Variants in ZC3H3 observed in about 807,000 individuals in gnomAD.
ZC3H3 encodes the protein zinc finger CCCH domain-containing protein 3.
A neutral mutation model predicts 77.3 loss-of-function variants in ZC3H3; 36 were observed. The ratio of observed to expected loss-of-function variants is 0.47; its 90% CI spans 0.36 to 0.61. The LOEUF (loss-of-function observed/expected upper bound fraction) is 0.61. ZC3H3 is among the 20% of genes least tolerant of loss of function. The pLI is 0.00. For missense variants in ZC3H3, 1,331 were observed against 1,312.2 expected (o/e 1.01, Z -0.22); for synonymous variants, 626 against 555.2 (o/e 1.13, Z -1.79).
At chr8:143,448,205 C>T (rs983333212) in intron 9 of ZC3H3, among the ~76,000 whole-genome samples, 1 of 151,492 alleles carries the variant, frequency 6.6e-6, no homozygotes, top group East Asian at 1.9e-4. Context: ...TCTAGGGAGG[C>T]TGAGGCAGGA....
rs886231022 is a variant in ZC3H3 at position 143,533,956 on chromosome 8, A to G, written c.1561+2301T>C. ...CTCCCAGTGTGCTGGGATTACAGGCATGAGCCACCACGCCCAGCCTCACGT... is the reference window on the plus strand; with the variant it reads ...CTCCCAGTGTGCTGGGATTACAGGCGTGAGCCACCACGCCCAGCCTCACGT... On this transcript the variant is annotated intron_variant, in intron 3 of 11. Transcript: ENST00000262577. The surrounding 1 kb of genome is among the most constrained non-coding windows in gnomAD (Gnocchi z 4.0). Among the ~76,000 whole-genome samples, 6 of 151,018 alleles carry G rather than the reference A, an allele frequency of 4.0e-5. No individual in the cohort carries two copies. The highest frequency in any genetic ancestry group is 6.6e-5 in the Admixed American group (1 of 15,146).
chr8:143,446,041 G>A (rs1435196190), intron 9 of ZC3H3, among the ~76,000 whole-genome samples: 3 of 152,168 alleles, frequency 2.0e-5, no homozygotes, highest in Non-Finnish European at 4.4e-5. Flanking sequence ...CAGAAGCAGA[G>A]CCCGCATCCA....
At chr8:143,505,484 C>T (rs1334885866) in intron 4 of ZC3H3, among the ~76,000 whole-genome samples, 1 of 152,172 alleles carries the variant, frequency 6.6e-6, no homozygotes, top group African/African-American at 2.4e-5. Context: ...TGACCCTGGG[C>T]GAGGCAGGCC....
chr8:143,464,474 G>T (rs1820354531), intron 9 of ZC3H3, among the ~76,000 whole-genome samples: 2 of 152,176 alleles, frequency 1.3e-5, no homozygotes, highest in African/African-American at 4.8e-5. Flanking sequence ...CTGGGAAGTG[G>T]GTGTGAGGAC....
rs552499390 is a variant in ZC3H3 at position 143,469,387 on chromosome 8, G to A, written c.1904-728C>T. The stretch of plus-strand genomic sequence containing the variant: ...GGTGTGGGGGCAAAGCCCGCTTGGC[G>A]GAGGCATCTGCCCAGCTGCCCACTG... On this transcript the variant is annotated intron_variant, in intron 5 of 11. Transcript: ENST00000262577. 7.2e-5 allele frequency among the ~76,000 whole-genome samples: 11 copies of A among 152,324 alleles called. No individual in the cohort carries two copies. In the East Asian group the frequency reaches 7.7e-4, roughly 11 times the overall value.
At chr8:143,448,038 T>G (rs1819901162) in intron 9 of ZC3H3, among the ~76,000 whole-genome samples, 1 of 151,878 alleles carries the variant, frequency 6.6e-6, no homozygotes, top group South Asian at 2.1e-4. Context: ...TGAGGCAGAA[T>G]TGCTTAAACC....
intron 9 of ZC3H3, among the ~76,000 whole-genome samples, chr8:143,465,300 C>G (rs573988422): frequency 2.2e-3 from 324 of 150,370 alleles, no homozygotes; most frequent in African/African-American, 7.3e-3. Flanking sequence ...CCCGTCCACC[C>G]CCTGCCTTCC....
intron 1 of ZC3H3, 114 bp from the exon 2 acceptor site, chr8:143,539,434 C>A (rs1822936564): frequency 3.5e-6 from 4 of 1,144,192 alleles, no homozygotes; most frequent in East Asian, 2.6e-5. Context: ...CACTTCTGAG[C>A]CCCTGCCAGT....
chr8:143,495,642 G>A (rs149221547), intron 4 of ZC3H3, among the ~76,000 whole-genome samples: 5 of 152,262 alleles, frequency 3.3e-5, no homozygotes, highest in African/African-American at 1.2e-4. Flanking sequence ...GGAGTGCAGT[G>A]TCAGTCAGGG....
intron 3 of ZC3H3, among the ~76,000 whole-genome samples, chr8:143,527,975 T>C (rs968142912): frequency 1.3e-5 from 2 of 152,182 alleles, no homozygotes; most frequent in African/African-American, 2.4e-5. Flanking sequence ...CTCATAACCC[T>C]GCCTCCTGCA....
At chr8:143,515,794 A>G (rs1222772945) in intron 3 of ZC3H3, among the ~76,000 whole-genome samples, 1 of 152,162 alleles carries the variant, frequency 6.6e-6, no homozygotes, top group Non-Finnish European at 1.5e-5. Context: ...TGGGCCAAGG[A>G]GCCTTCGCAG....
chr8:143,536,146 C>A, intron 3 of ZC3H3, 111 bp downstream of exon 3: 1 of 1,338,062 alleles, frequency 7.5e-7, no homozygotes, highest in Admixed American at 2.4e-5. Flanking sequence ...CCCTCCCAGC[C>A]AGGGCCTCTA....
chr8:143,468,491 T>A lies in ZC3H3; in HGVS notation c.1996A>T (p.Arg666Trp). 6.2e-7 allele frequency: 1 copy of A among 1,608,416 alleles called. No individual in the cohort carries two copies. The highest frequency in any genetic ancestry group is 8.5e-7 in the Non-Finnish European group (1 of 1,178,170). Residue 666 changes from arginine to tryptophan, a missense_variant, in exon 7 of 12, where the codon AGG (arginine) becomes TGG (tryptophan). By Grantham distance (101) the Arg-to-Trp change is moderately radical. This residue lies in a region of ZC3H3 where 978 missense variants were observed against 915.5 expected (regional missense o/e 1.07). Transcript: ENST00000262577. Reference protein sequence around the residue: ...LAIIRQARQRREKRKEYCMYY... With the variant: ...LAIIRQARQRWEKRKEYCMYY... ...ATGCAGTACTCCTTCCTCTTCTCCC[T>A]GCGCTGCCGCGCCTGCCGGATGATG...
intron 4 of ZC3H3, among the ~76,000 whole-genome samples, chr8:143,483,241 C>T (rs1820955916): frequency 6.6e-6 from 1 of 152,256 alleles, no homozygotes; most frequent in African/African-American, 2.4e-5. Context: ...CCACTGGAAA[C>T]GCTGACACCC....
At chr8:143,492,499 G>A (rs925115935) in intron 4 of ZC3H3, among the ~76,000 whole-genome samples, 29 of 152,192 alleles carry the variant, frequency 1.9e-4, no homozygotes, top group Non-Finnish European at 3.7e-4. Context: ...CTGCCCACCT[G>A]TAGCGTCAGG....
intron 3 of ZC3H3, among the ~76,000 whole-genome samples, chr8:143,524,072 C>A (rs1278025690): frequency 6.6e-6 from 1 of 152,264 alleles, no homozygotes; most frequent in Non-Finnish European, 1.5e-5. Flanking sequence ...CTCTCCCGGG[C>A]AGCCTCCCCA....
At chr8:143,524,694 G>A (rs1324567836) in intron 3 of ZC3H3, among the ~76,000 whole-genome samples, 1 of 152,280 alleles carries the variant, frequency 6.6e-6, no homozygotes, top group East Asian at 1.9e-4. Flanking sequence ...TCGAGGCAAA[G>A]GGGAGTGAGC....
chr8:143,459,207 T>C (rs1467135012), intron 9 of ZC3H3, among the ~76,000 whole-genome samples: 2 of 152,208 alleles, frequency 1.3e-5, no homozygotes, highest in East Asian at 1.9e-4. Flanking sequence ...TTTATGAATA[T>C]TGATGCAAAA....
At chr8:143,526,712 CAG>C (rs1355106313) in intron 3 of ZC3H3, among the ~76,000 whole-genome samples, 1 of 152,112 alleles carries the variant, frequency 6.6e-6, no homozygotes, top group Non-Finnish European at 1.5e-5. Context: ...GGGGACTAAA[CAG>C]GGGCCCAGCA....
Sources: allele counts gnomAD v4.1 joint callset (sites outside exome capture counted in the v4.1 genomes callset), GRCh38; gene constraint gnomAD v4.1.1; regional missense constraint gnomAD v4.1.1; non-coding constraint Gnocchi (gnomAD v3.1); transcripts MANE v1.5; gene names NCBI Gene and HGNC (gene_info 2026-07-23, HGNC 2026-07-21).